UCHL3: variants seen among roughly 807,000 people sequenced by gnomAD.
UCHL3 encodes the protein ubiquitin carboxyl-terminal hydrolase isozyme L3.
In UCHL3, 22 loss-of-function variants were observed where a neutral mutation model predicts 35.8. The observed-to-expected ratio is 0.61, with a 90% CI of 0.44 to 0.88. The LOEUF (loss-of-function observed/expected upper bound fraction) is 0.88, where lower values mean the gene tolerates loss of function less well. Ranked by LOEUF, UCHL3 falls within the 40% of genes least tolerant of loss-of-function variation. The pLI, the probability that UCHL3 is intolerant of heterozygous loss-of-function variation, is 0.00. For missense variants in UCHL3, 229 were observed against 276.9 expected, an observed-to-expected ratio of 0.83 and a Z score of 1.23; for synonymous variants, 90 against 92.8, an observed-to-expected ratio of 0.97 and a Z score of 0.17.
At chr13:75,581,525 T>TC (rs1488168537) in intron 6 of UCHL3, among the ~76,000 whole-genome samples, 2 of 149,322 alleles carry the variant, frequency 1.3e-5, no homozygotes, top group East Asian at 2.0e-4. Context: ...AATTTTTTTT[T>TC]TTTTTTTTTT....
At chr13:75,592,786 C>G (rs1191400395) in intron 6 of UCHL3, among the ~76,000 whole-genome samples, 1 of 151,738 alleles carries the variant, frequency 6.6e-6, no homozygotes, top group Non-Finnish European at 1.5e-5. Flanking sequence ...TTAGTATGCA[C>G]TTTTAGATTA....
At chr13:75,589,869 T>TGCTTTTAAG in intron 6 of UCHL3, 1 of 1,162,282 alleles carries the variant, frequency 8.6e-7, no homozygotes, top group Non-Finnish European at 1.1e-6. Flanking sequence ...GACCATACGT[T>TGCTTTTAAG]GCTTTTAAGA....
At chr13:75,604,991 A>C (rs1466056138) in intron 8 of UCHL3, 164 bp downstream of exon 8, 3 of 497,992 alleles carry the variant, frequency 6.0e-6, no homozygotes, top group African/African-American at 2.0e-5. Flanking sequence ...AAAAATCTAC[A>C]ACAAATAAAG....
At chr13:75,551,430 C>CAA (rs56723936) in intron 2 of UCHL3, among the ~76,000 whole-genome samples, 25 of 86,174 alleles carry the variant, frequency 2.9e-4, no homozygotes, top group Middle Eastern at 7.5e-3. Context: ...GACTCTGTCT[C>CAA]AAAAAAAAAA....
In UCHL3 at chr13:75,592,434, A is replaced by ACG. The variant is rs1479213592; in HGVS notation, c.475-2481_475-2480insCG. On this transcript the variant is annotated intron_variant, in intron 6 of 8. Coordinates refer to ENST00000377595, the MANE Select transcript of UCHL3 (RefSeq NM_006002.5). ...TTCCTTCATATATATATATATATAT[A>ACG]TATATATATATATATATATATATAT... Among the ~76,000 whole-genome samples, 619 of 102,560 alleles carry ACG rather than the reference A, an allele frequency of 6.0e-3. 4 individuals are homozygous for ACG. Among genetic ancestry groups the ACG allele is most frequent in the Non-Finnish European group, 1.0e-2 (497 of 49,752 alleles). The allele number at this position is 102,560 out of a possible 152,430, so 67.3% of individuals were successfully genotyped here. A position where few individuals can be genotyped will look rare whatever the true frequency, so the allele number is the denominator to read the frequency against.
At chr13:75,549,595 A>G (rs1418297778), upstream of UCHL3, 1 of 464,836 alleles carries the variant, frequency 2.2e-6, no homozygotes, top group Non-Finnish European at 3.7e-6. Flanking sequence ...AAATTGGCTT[A>G]TTTTTTTCTC....
intron 5 of UCHL3, among the ~76,000 whole-genome samples, chr13:75,568,621 A>T (rs2031761515): frequency 6.6e-6 from 1 of 151,976 alleles, no homozygotes; most frequent in African/African-American, 2.4e-5. Context: ...GCTTTCCATT[A>T]TGTAGTATTG....
intron 6 of UCHL3, among the ~76,000 whole-genome samples, chr13:75,590,482 A>G (rs1392556918): frequency 6.6e-6 from 1 of 152,004 alleles, no homozygotes; most frequent in Non-Finnish European, 1.5e-5. Flanking sequence ...ACTCAGGTCA[A>G]CAAATGCTGT....
chr13:75,559,708 G>A (rs1386648665), intron 2 of UCHL3, among the ~76,000 whole-genome samples: 1 of 152,084 alleles, frequency 6.6e-6, no homozygotes, highest in East Asian at 1.9e-4. Context: ...TTTTTTGTTT[G>A]TTTTTAATTT....
chr13:75,585,566 A>C (rs952739947), intron 6 of UCHL3, among the ~76,000 whole-genome samples: 13 of 152,172 alleles, frequency 8.5e-5, no homozygotes, highest in Non-Finnish European at 1.3e-4. Flanking sequence ...ACTTGGAGCT[A>C]TACAAAGATT....
intron 6 of UCHL3, among the ~76,000 whole-genome samples, chr13:75,591,985 G>T (rs1050395855): frequency 2.0e-4 from 30 of 152,150 alleles, no homozygotes; most frequent in African/African-American, 6.7e-4. Flanking sequence ...AGGTTTTGGA[G>T]CATTTGAGAT....
intron 7 of UCHL3, among the ~76,000 whole-genome samples, chr13:75,601,496 A>G (rs376987036): frequency 1.7e-3 from 255 of 152,366 alleles, no homozygotes; most frequent in African/African-American, 5.5e-3. Flanking sequence ...CCCCTCCATC[A>G]GCAAAAAGAT....
intron 6 of UCHL3, chr13:75,590,266 G>C (rs981021104): frequency 2.5e-6 from 3 of 1,180,900 alleles, no homozygotes; most frequent in Non-Finnish European, 3.2e-6. Context: ...CAATAAGATT[G>C]CAAGCATATC....
At chr13:75,569,364 A>G (rs1229506681) in intron 5 of UCHL3, 96 bp from the exon 6 acceptor site, 3 of 886,006 alleles carry the variant, frequency 3.4e-6, no homozygotes. Context: ...TTGTTTCTTT[A>G]GAAGACTTTA....
intron 3 of UCHL3, among the ~76,000 whole-genome samples, chr13:75,563,457 G>A (rs1171685071): frequency 1.3e-5 from 2 of 152,152 alleles, no homozygotes; most frequent in African/African-American, 2.4e-5. Flanking sequence ...GATTATAGGT[G>A]TGACTCATTA....
chr13:75,564,758 C>G (rs1433964425), intron 3 of UCHL3, among the ~76,000 whole-genome samples: 1 of 152,124 alleles, frequency 6.6e-6, no homozygotes, highest in East Asian at 1.9e-4. Flanking sequence ...TGCAGTGGTG[C>G]CATCTCAGCT....
chr13:75,549,943 G>C (rs1593966486), intron 1 of UCHL3, 33 bp from the exon 2 acceptor site: 1 of 1,614,226 alleles, frequency 6.2e-7, no homozygotes, highest in Non-Finnish European at 8.5e-7. Context: ...ACGGTGGTTT[G>C]TCTCTAAAGC....
intron 6 of UCHL3, among the ~76,000 whole-genome samples, chr13:75,593,731 C>T (rs1319975751): frequency 6.6e-6 from 1 of 152,132 alleles, no homozygotes; most frequent in Non-Finnish European, 1.5e-5. Context: ...AGGGAAATAA[C>T]CTCTGAAGAA....
Position 75,563,920 on chromosome 13 carries a change from C to CTGTGTGTGTG in UCHL3, c.184-2761_184-2752dup, listed in dbSNP as rs58677064. On this transcript the variant is annotated intron_variant, in intron 3 of 8. Transcript: ENST00000377595. ...CCTTTTTTAAAGCCGAATAATATTT[C>CTGTGTGTGTG]TGTGTGTGTGTGTGTGTGTGTGTCT... Among the ~76,000 whole-genome samples, 485 of 149,470 alleles carry CTGTGTGTGTG rather than the reference C, an allele frequency of 3.2e-3. 7 individuals are homozygous for CTGTGTGTGTG. The highest frequency in any genetic ancestry group is 0.022 in the East Asian group (110 of 5,018).
Sources: gnomAD v4.1 joint callset for allele counts (sites outside exome capture counted in the v4.1 genomes callset) on GRCh38, gnomAD v4.1.1 for gene constraint, MANE v1.5 for transcripts, NCBI Gene and HGNC (gene_info 2026-07-23, HGNC 2026-07-21) for gene names.